The following GNAQ variants were observed in gnomAD, a reference collection of about 807,000 sequenced individuals.
The protein encoded by GNAQ is G protein subunit alpha q.
GNAQ carries 8 observed loss-of-function variants against 43.9 expected under a neutral mutation model. That is an observed-to-expected ratio of 0.18 (90% confidence interval 0.11 to 0.33). The LOEUF (loss-of-function observed/expected upper bound fraction) is 0.33. Ranked by LOEUF, GNAQ falls within the 10% of genes least tolerant of loss-of-function variation. GNAQ has a pLI of 1.00. For synonymous variants in GNAQ, 155 were observed against 170.7 expected (o/e 0.91, Z 0.71); for missense variants, 158 against 450.8 (o/e 0.35, Z 5.88).
chr9:77,941,056 C>T (rs1829309783), intron 1 of GNAQ, among the ~76,000 whole-genome samples: 1 of 152,172 alleles, frequency 6.6e-6, no homozygotes, highest in South Asian at 2.1e-4. Context: ...AATAATTTAG[C>T]TTCACAAGTA....
chr9:77,779,748 T>C lies in GNAQ; in HGVS notation c.735+14715A>G, dbSNP rs184856602. 6.9e-5 allele frequency among the ~76,000 whole-genome samples: 10 copies of C among 145,368 alleles called. No homozygotes were observed. The East Asian group carries it at 1.8e-3, about 26-fold the overall frequency. ...ATCAGAAATCAAAGAGTGATCACTA[T>C]AGATCACACGGACGTTAAAAGGACA... On this transcript the variant is annotated intron_variant, in intron 5 of 6. Transcript: ENST00000286548.
At chr9:77,850,254 C>G (rs1827653245) in intron 2 of GNAQ, among the ~76,000 whole-genome samples, 2 of 152,204 alleles carry the variant, frequency 1.3e-5, no homozygotes, top group African/African-American at 4.8e-5. Flanking sequence ...TGCCCTCACT[C>G]ACCAAGTCAG....
chr9:77,828,366 G>C (rs574073758), intron 2 of GNAQ, among the ~76,000 whole-genome samples: 6 of 152,200 alleles, frequency 3.9e-5, no homozygotes, highest in Non-Finnish European at 8.8e-5. Flanking sequence ...CACTGCACAG[G>C]AGGTGCTAAC....
chr9:77,924,775 A>G (rs964665372), intron 1 of GNAQ, among the ~76,000 whole-genome samples: 1 of 152,162 alleles, frequency 6.6e-6, no homozygotes, highest in African/African-American at 2.4e-5. Flanking sequence ...AGAGGAAAGA[A>G]AAAACAATAA....
intron 5 of GNAQ, among the ~76,000 whole-genome samples, chr9:77,776,397 G>A (rs1179142206): frequency 1.3e-5 from 2 of 152,174 alleles, no homozygotes; most frequent in Non-Finnish European, 2.9e-5. Flanking sequence ...GACGTACCAT[G>A]CAAACAGTAA....
chr9:77,947,418 C>T (rs900994005), intron 1 of GNAQ, among the ~76,000 whole-genome samples: 7 of 152,138 alleles, frequency 4.6e-5, no homozygotes, highest in African/African-American at 1.7e-4. Context: ...AGTGCCATCC[C>T]ATGTTATCTC....
chr9:77,832,879 C>T (rs977553156), intron 2 of GNAQ, among the ~76,000 whole-genome samples: 2 of 152,208 alleles, frequency 1.3e-5, no homozygotes, highest in Admixed American at 6.5e-5. Flanking sequence ...CAAGCTGCGT[C>T]CACTCACAGG....
chr9:77,722,474 T>C (rs1209571777), intron 6 of GNAQ, among the ~76,000 whole-genome samples: 1 of 152,092 alleles, frequency 6.6e-6, no homozygotes, highest in African/African-American at 2.4e-5. Context: ...GAGTCTCTTA[T>C]GTACCAAGAA....
At chr9:77,929,380 T>C (rs1477101559) in intron 1 of GNAQ, among the ~76,000 whole-genome samples, 1 of 152,250 alleles carries the variant, frequency 6.6e-6, no homozygotes, top group East Asian at 1.9e-4. Flanking sequence ...CCAGAGCTCC[T>C]GATCTTGTGT....
chr9:77,920,776 C>T (rs944799292), intron 2 of GNAQ, among the ~76,000 whole-genome samples: 5 of 152,008 alleles, frequency 3.3e-5, no homozygotes, highest in East Asian at 1.9e-4. Context: ...CTGTTGCCAC[C>T]GGAAAACCAG....
intron 3 of GNAQ, among the ~76,000 whole-genome samples, chr9:77,811,009 C>T (rs748419332): frequency 7.9e-5 from 12 of 152,102 alleles, no homozygotes; most frequent in South Asian, 2.1e-4. Context: ...TTTTTTAAGT[C>T]GCTTGCACTG....
At chr9:77,789,403 G>C (rs912290315) in intron 5 of GNAQ, among the ~76,000 whole-genome samples, 2 of 152,006 alleles carry the variant, frequency 1.3e-5, no homozygotes, top group Admixed American at 1.3e-4. Context: ...CTATAAATTA[G>C]TAAGAAAAAG....
intron 5 of GNAQ, among the ~76,000 whole-genome samples, chr9:77,750,154 CAT>C (rs1224008617): frequency 1.3e-5 from 2 of 151,234 alleles, no homozygotes; most frequent in African/African-American, 2.5e-5. Context: ...CAGCTATAAA[CAT>C]ATTTTCTTTT....
intron 2 of GNAQ, among the ~76,000 whole-genome samples, chr9:77,861,218 T>C (rs542840318): frequency 6.6e-6 from 1 of 152,314 alleles, no homozygotes; most frequent in Admixed American, 6.5e-5. Flanking sequence ...TCATGAGTCT[T>C]ATTCACTATC....
chr9:77,872,871 T>G (rs1246172884), intron 2 of GNAQ, among the ~76,000 whole-genome samples: 1 of 152,132 alleles, frequency 6.6e-6, no homozygotes, highest in Non-Finnish European at 1.5e-5. Flanking sequence ...AAACTGATAG[T>G]GCACTCTCCC....
In GNAQ at chr9:77,736,808, G is replaced by A. The variant is rs187783428; in HGVS notation, c.736-8141C>T. ...CAAATGTGTAACCCTTTCCGATGTG[G>A]AAGCCCACAGTCCTAGAACTTACAG... is the stretch of plus-strand genomic sequence containing the variant. On this transcript the variant is annotated intron_variant, in intron 5 of 6. Transcript: ENST00000286548. Among the ~76,000 whole-genome samples, 710 of 152,174 alleles carry A rather than the reference G, an allele frequency of 4.7e-3. 6 individuals carry two copies. Among genetic ancestry groups the A allele is most frequent in the Non-Finnish European group, 8.3e-3 (567 of 68,022 alleles).
At chr9:78,015,886 T>C (rs1395758704) in intron 1 of GNAQ, among the ~76,000 whole-genome samples, 1 of 152,090 alleles carries the variant, frequency 6.6e-6, no homozygotes, top group African/African-American at 2.4e-5. Flanking sequence ...AAAATATTTT[T>C]TAAAATAATC....
rs931105023 is a variant in GNAQ at position 77,936,076 on chromosome 9, G to A, written c.137-13731C>T. On this transcript the variant is annotated intron_variant, in intron 1 of 6. Transcript: ENST00000286548. ...TACTCCTTGAGAAAGTAAAGTTAAA[G>A]AAAGTACATCGGTGCATTTTATTAA... 2.0e-5 allele frequency among the ~76,000 whole-genome samples: 3 copies of A among 152,156 alleles called. No individual in the cohort carries two copies. The East Asian group carries it at 5.8e-4, about 29-fold the overall frequency.
chr9:77,811,157 C>A (rs949427096), intron 3 of GNAQ, among the ~76,000 whole-genome samples: 1 of 151,944 alleles, frequency 6.6e-6, no homozygotes, highest in African/African-American at 2.4e-5. Context: ...GAAGACCTAC[C>A]ACTAGAGACA....
Sources: allele counts gnomAD v4.1 joint callset (sites outside exome capture counted in the v4.1 genomes callset), GRCh38; gene constraint gnomAD v4.1.1; transcripts MANE v1.5; gene names NCBI Gene and HGNC (gene_info 2026-07-23, HGNC 2026-07-21).